STX18: variants seen among roughly 807,000 people sequenced by gnomAD.
STX18 encodes syntaxin 18.
In STX18, 40 loss-of-function variants were observed where a neutral mutation model predicts 50.1. The observed-to-expected ratio is 0.80, with a 90% CI of 0.62 to 1.04. STX18 has a LOEUF of 1.04. Among genes scored for constraint, STX18 ranks in the 50% least tolerant of loss-of-function variants. The probability of loss-of-function intolerance (pLI) is 0.00; values close to 1 mark genes in which losing one functional copy is unlikely to be tolerated. For synonymous variants in STX18, 158 were observed against 151.8 expected, an observed-to-expected ratio of 1.04 and a Z score of -0.30; for missense variants, 410 against 415.8, an observed-to-expected ratio of 0.99 and a Z score of 0.12.
intron 2 of STX18, among the ~76,000 whole-genome samples, 177 bp from the exon 3 acceptor site, chr4:4,459,664 A>C (rs1447996374): frequency 6.6e-6 from 1 of 152,216 alleles, no homozygotes; most frequent in Non-Finnish European, 1.5e-5. Context: ...AGATAGTAGA[A>C]CACATATGAA....
intron 1 of STX18, among the ~76,000 whole-genome samples, chr4:4,480,294 T>C (rs908441410): frequency 6.6e-6 from 1 of 152,150 alleles, no homozygotes; most frequent in African/African-American, 2.4e-5. Context: ...ACTAAAACTG[T>C]ACATTACCTT....
chr4:4,530,019 C>T (rs1319220523), intron 1 of STX18, among the ~76,000 whole-genome samples: 1 of 152,186 alleles, frequency 6.6e-6, no homozygotes, highest in Non-Finnish European at 1.5e-5. Flanking sequence ...GCCCCCACCC[C>T]TCCACTGCAC....
intron 2 of STX18, among the ~76,000 whole-genome samples, chr4:4,461,540 G>T (rs1727379014): frequency 1.3e-5 from 2 of 152,158 alleles, no homozygotes; most frequent in Admixed American, 1.3e-4. Context: ...TAGGTCTGAA[G>T]GCAGTATTTC....
At chr4:4,465,947 T>C (rs1178682461) in intron 2 of STX18, among the ~76,000 whole-genome samples, 1 of 152,144 alleles carries the variant, frequency 6.6e-6, no homozygotes, top group Non-Finnish European at 1.5e-5. Context: ...AGGCACTCAA[T>C]AAATAACTGC....
chr4:4,507,179 C>G (rs1729753202), intron 1 of STX18: 1 of 577,830 alleles, frequency 1.7e-6, no homozygotes, highest in African/African-American at 1.8e-5. Context: ...ATGACACTCC[C>G]TCTTGATGCT....
intron 1 of STX18, among the ~76,000 whole-genome samples, chr4:4,541,566 A>G (rs2108940530): frequency 6.6e-6 from 1 of 151,930 alleles, no homozygotes; most frequent in South Asian, 2.1e-4. Context: ...TTGTCCCCCA[A>G]TCCCTGTCGC....
At chr4:4,527,867 C>CATAT (rs1553851958) in intron 1 of STX18, among the ~76,000 whole-genome samples, 15 of 137,206 alleles carry the variant, frequency 1.1e-4, no homozygotes, top group African/African-American at 3.7e-4. Flanking sequence ...CACACACACA[C>CATAT]ATATATATAT....
chr4:4,443,518 A>G (rs936825724), intron 5 of STX18, among the ~76,000 whole-genome samples: 4 of 152,260 alleles, frequency 2.6e-5, no homozygotes, highest in African/African-American at 9.6e-5. Flanking sequence ...TCTGAACAAC[A>G]GAGGAAGAGA....
chr4:4,425,522 TG>T (rs1159200673), intron 7 of STX18: 5 of 517,434 alleles, frequency 9.7e-6, no homozygotes, highest in Non-Finnish European at 1.7e-5. Context: ...CGCTCTCCCC[TG>T]GGATCCCACG....
At chr4:4,504,332 C>CT (rs1479254464) in intron 1 of STX18, among the ~76,000 whole-genome samples, 1 of 151,986 alleles carries the variant, frequency 6.6e-6, no homozygotes, top group Non-Finnish European at 1.5e-5. Context: ...TATTTATTAT[C>CT]TCTCAGAAAA....
intron 1 of STX18, among the ~76,000 whole-genome samples, chr4:4,512,347 AT>A (rs1226298886): frequency 6.6e-6 from 1 of 151,986 alleles, no homozygotes; most frequent in Non-Finnish European, 1.5e-5. Flanking sequence ...AAAAAAAAAA[AT>A]CTTAGGAAAG....
At position 4,460,318 on chromosome 4, in the gene STX18, A is replaced by G. The variant is rs560644973; in HGVS notation, c.237-831T>C. 3.3e-5 allele frequency among the ~76,000 whole-genome samples: 5 copies of G among 152,310 alleles called. No individual in the cohort carries two copies. The East Asian group carries it at 9.6e-4, about 29-fold the overall frequency. On this transcript the variant is annotated intron_variant, in intron 2 of 10. Transcript: ENST00000306200. ...TTTGAATGAACTGAACCAATGAATG[A>G]GCCTGAGTTGGAGAATATGCTTGAT...
chr4:4,534,521 C>G (rs1387412949), intron 1 of STX18, among the ~76,000 whole-genome samples: 1 of 152,246 alleles, frequency 6.6e-6, no homozygotes, highest in Non-Finnish European at 1.5e-5. Context: ...TCCCATCCAA[C>G]CCTACTGTCA....
chr4:4,424,445 T>TG (rs1725138721), intron 8 of STX18, among the ~76,000 whole-genome samples: 2 of 86,768 alleles, frequency 2.3e-5, no homozygotes, highest in Admixed American at 1.2e-4. Context: ...AGTAGCGGGG[T>TG]GGGGGCGGTA....
chr4:4,429,988 A>G (rs1029354871), intron 7 of STX18, among the ~76,000 whole-genome samples: 27 of 152,248 alleles, frequency 1.8e-4, no homozygotes, highest in African/African-American at 6.3e-4. Flanking sequence ...TGAGGCAAGT[A>G]AAGTGAATGT....
chr4:4,504,524 TG>T (rs1729605400), intron 1 of STX18, among the ~76,000 whole-genome samples: 1 of 152,132 alleles, frequency 6.6e-6, no homozygotes, highest in South Asian at 2.1e-4. Context: ...GAAGGAAAAG[TG>T]AAGTTAAATG....
intron 1 of STX18, among the ~76,000 whole-genome samples, chr4:4,500,570 A>T (rs1279343467): frequency 5.9e-5 from 9 of 152,204 alleles, no homozygotes; most frequent in African/African-American, 2.2e-4. Context: ...GAGTCCTGAA[A>T]CCAATCCCCT....
Position 4,425,228 on chromosome 4 carries a change from A to G in STX18, c.703-6T>C, listed in dbSNP as rs1725186590. On this transcript the variant is annotated splice_region_variant and splice_polypyrimidine_tract_variant and intron_variant, in intron 7 of 10. Coordinates refer to ENST00000306200, the MANE Select transcript of STX18 (RefSeq NM_016930.4). The stretch of plus-strand genomic sequence containing the variant: ...CGCTGATTTTCCTGTTCAAACTGTG[A>G]GGAAACAGACACACTCAGGATGACA... 1 of 1,613,550 alleles carries G rather than the reference A, an allele frequency of 6.2e-7. No individual in the cohort carries two copies. Among genetic ancestry groups the G allele is most frequent in the African/African-American group, 1.3e-5 (1 of 74,930 alleles).
rs1247388904 is a variant in STX18, at chr4:4,419,311, C to T, written c.*723G>A. 6.6e-6 allele frequency: 1 copy of T among 152,206 alleles called. No individual in the cohort carries two copies. Among genetic ancestry groups the T allele is most frequent in the Non-Finnish European group, 1.5e-5 (1 of 68,052 alleles). The allele number at this position is 152,206 out of a possible 1,614,324, so 9.4% of individuals were successfully genotyped here. A position where few individuals can be genotyped will look rare whatever the true frequency, so the allele number is the denominator to read the frequency against. On this transcript the variant is annotated 3_prime_UTR_variant, in exon 11 of 11. Coordinates refer to ENST00000306200, the MANE Select transcript of STX18 (RefSeq NM_016930.4). ...GACCCAGTGGCGGGAAACTGGCCCT[C>T]CCACACCCCCTGCCTGTTCTGGGGG...
Sources: gnomAD v4.1 joint callset for allele counts (sites outside exome capture counted in the v4.1 genomes callset) on GRCh38, gnomAD v4.1.1 for gene constraint, MANE v1.5 for transcripts, NCBI Gene and HGNC (gene_info 2026-07-23, HGNC 2026-07-21) for gene names.